The following DNAH11 variants were observed in gnomAD, a reference collection of about 807,000 sequenced individuals.
DNAH11 encodes axonemal beta dynein heavy chain 11.
In DNAH11, 442 loss-of-function variants were observed where a neutral mutation model predicts 526.0. The ratio of observed to expected loss-of-function variants is 0.84; its 90% CI spans 0.78 to 0.91. The LOEUF is 0.91. Ranked by LOEUF, DNAH11 falls within the 40% of genes least tolerant of loss-of-function variation. The pLI, the probability that DNAH11 is intolerant of heterozygous loss-of-function variation, is 0.00. For synonymous variants in DNAH11, 2,461 were observed against 1,935.9 expected, an observed-to-expected ratio of 1.27 and a Z score of -7.12; for missense variants, 6,989 against 5,448.7, an observed-to-expected ratio of 1.28 and a Z score of -8.90.
At chr7:21,827,931 T>C (rs1392714750) in intron 65 of DNAH11, among the ~76,000 whole-genome samples, 1 of 151,992 alleles carries the variant, frequency 6.6e-6, no homozygotes, top group Admixed American at 6.6e-5. Flanking sequence ...AGCTGGAAGC[T>C]TACGGATTTT....
chr7:21,763,664 A>G (rs945022562), intron 54 of DNAH11, among the ~76,000 whole-genome samples: 3 of 151,564 alleles, frequency 2.0e-5, no homozygotes, highest in South Asian at 2.1e-4. Flanking sequence ...TATATAGCCA[A>G]GGACATTGAA....
At chr7:21,616,484 T>A (rs1052469265) in intron 22 of DNAH11, among the ~76,000 whole-genome samples, 192 bp downstream of exon 22, 1 of 152,060 alleles carries the variant, frequency 6.6e-6, no homozygotes, top group African/African-American at 2.4e-5. Context: ...GTGAGTGAGT[T>A]GATAGAAGCA....
chr7:21,646,219 C>G (rs866166332), intron 28 of DNAH11, among the ~76,000 whole-genome samples: 8 of 152,258 alleles, frequency 5.3e-5, no homozygotes, highest in Middle Eastern at 3.4e-3. Context: ...ACCAAAACCA[C>G]AACAAGATGA....
chr7:21,828,004 C>T (rs10267329), intron 65 of DNAH11, among the ~76,000 whole-genome samples: 1 of 151,198 alleles, frequency 6.6e-6, no homozygotes, highest in Non-Finnish European at 1.5e-5. Context: ...GCTGGAGTGC[C>T]GTGGTGTAAT....
At chr7:21,556,975 C>T (rs1042439129) in intron 2 of DNAH11, among the ~76,000 whole-genome samples, 2 of 151,762 alleles carry the variant, frequency 1.3e-5, no homozygotes, top group Non-Finnish European at 2.9e-5. Flanking sequence ...GCAGGAGAAT[C>T]GCTTGAACCC....
chr7:21,732,266 T>C (rs1451348063), intron 45 of DNAH11, among the ~76,000 whole-genome samples: 3 of 152,176 alleles, frequency 2.0e-5, no homozygotes, highest in East Asian at 1.9e-4. Flanking sequence ...CATCCTCACA[T>C]GGCTTTTCTC....
At position 21,690,586 on chromosome 7, in the gene DNAH11, T is replaced by G. The variant is rs112189327; in HGVS notation, c.5925-179T>G. ...AATTCCTCCAGGAAAAGGGAGGGTA[T>G]TTTTAATAAATATGCTTCAAAACAT... is the stretch of plus-strand genomic sequence containing the variant. On this transcript the variant is annotated intron_variant, in intron 34 of 81. Transcript: ENST00000409508. 0.019 allele frequency among the ~76,000 whole-genome samples: 2,875 copies of G among 152,328 alleles called. 81 individuals are homozygous for G. Among genetic ancestry groups the G allele is most frequent in the African/African-American group, 0.065 (2,705 of 41,564 alleles).
chr7:21,709,255 A>G (rs955879068), intron 40 of DNAH11, among the ~76,000 whole-genome samples: 2 of 152,354 alleles, frequency 1.3e-5, no homozygotes, highest in African/African-American at 4.8e-5. Flanking sequence ...AAAAAGGACA[A>G]CATCATGTTT....
intron 30 of DNAH11, among the ~76,000 whole-genome samples, chr7:21,662,350 T>C (rs569753194): frequency 1.3e-5 from 2 of 152,304 alleles, no homozygotes; most frequent in South Asian, 2.1e-4. Context: ...TATCTTGTTT[T>C]ATTTTCTTTA....
chr7:21,889,570 A>AT (rs370713682), intron 76 of DNAH11, among the ~76,000 whole-genome samples: 1 of 152,184 alleles, frequency 6.6e-6, no homozygotes, highest in East Asian at 1.9e-4. Flanking sequence ...TACTGTCCAC[A>AT]TTTTTTTATT....
chr7:21,704,008 C>T (rs1336562706), intron 37 of DNAH11, among the ~76,000 whole-genome samples: 2 of 152,142 alleles, frequency 1.3e-5, no homozygotes, highest in Non-Finnish European at 1.5e-5. Context: ...CTTTAGCTTA[C>T]AGCCAAGATA....
At position 21,588,037 on chromosome 7, in the gene DNAH11, A is replaced by G. The variant is rs1398771416; in HGVS notation, c.1711-27A>G. 4.3e-6 allele frequency: 7 copies of G among 1,609,826 alleles called. No individual in the cohort carries two copies. In the East Asian group the frequency reaches 8.9e-5, roughly 21 times the overall value. On this transcript the variant is annotated intron_variant, in intron 9 of 81. Transcript: ENST00000409508. ...ATTTGTTAAAAACTCATAGTGCTTA[A>G]TGTTGCCTTCACTTTGATTTTTATA...
intron 42 of DNAH11, among the ~76,000 whole-genome samples, chr7:21,713,414 G>C (rs909872214): frequency 6.6e-6 from 1 of 152,146 alleles, no homozygotes; most frequent in Non-Finnish European, 1.5e-5. Flanking sequence ...CTTCCCAACA[G>C]GGTCATGTCA....
Position 21,852,519 on chromosome 7 carries a change from A to C in DNAH11, c.10949A>C (p.Glu3650Ala). Reference sequence around the variant, plus strand: ...TTTAAAATTGAGCTCAAGTATCTGGAAGACGATCTCCTTTTGCGCCTTTCT... The same window carrying C: ...TTTAAAATTGAGCTCAAGTATCTGGCAGACGATCTCCTTTTGCGCCTTTCT... ...NDFKIELKYL[E>A]DDLLLRLSAA... The change falls in exon 67 of 82, where the codon GAA becomes GCA. Residue 3650 changes from glutamate to alanine, a missense_variant. Transcript: ENST00000409508. The C allele has an allele frequency of 6.2e-7, 1 of 1,613,668 alleles. No individual in the cohort carries two copies. The highest frequency in any genetic ancestry group is 8.5e-7 in the Non-Finnish European group (1 of 1,179,748).
Position 21,588,163 on chromosome 7 carries a change from G to C in DNAH11, c.1810G>C (p.Asp604His). The change falls in exon 10 of 82, where the codon GAT becomes CAT. Residue 604 changes from aspartate to histidine, a missense_variant. Coordinates refer to ENST00000409508, the MANE Select transcript of DNAH11 (RefSeq NM_001277115.2). ...AGTGCATATGTTTAATACAGAGCTG[G>C]ATGTGTGTAAGCAACTGTATAATGA... ...TLVHMFNTELDVCKQLYNEHM... is the reference protein window; with the variant it reads ...TLVHMFNTELHVCKQLYNEHM... The C allele has an allele frequency of 6.2e-7, 1 of 1,613,330 alleles. No homozygotes were observed. Among genetic ancestry groups the C allele is most frequent in the Non-Finnish European group, 8.5e-7 (1 of 1,179,642 alleles).
chr7:21,598,426 G>T (rs75832165), intron 14 of DNAH11, among the ~76,000 whole-genome samples: 2 of 152,028 alleles, frequency 1.3e-5, no homozygotes, highest in Non-Finnish European at 2.9e-5. Flanking sequence ...GTCCTATTTT[G>T]CCCCAACTGG....
intron 30 of DNAH11, among the ~76,000 whole-genome samples, chr7:21,660,503 A>G (rs533645074): frequency 3.7e-4 from 35 of 95,504 alleles, no homozygotes; most frequent in African/African-American, 1.3e-3. Context: ...TATTATTTAT[A>G]TCAGCTTTTT....
chr7:21,782,632 C>G (rs191252332), intron 57 of DNAH11, among the ~76,000 whole-genome samples: 13 of 152,290 alleles, frequency 8.5e-5, no homozygotes, highest in South Asian at 2.1e-4. Flanking sequence ...GGCACTTTAG[C>G]AAGACGCAGT....
intron 30 of DNAH11, among the ~76,000 whole-genome samples, chr7:21,664,608 A>G (rs898020678): frequency 1.3e-5 from 2 of 151,978 alleles, no homozygotes; most frequent in African/African-American, 4.8e-5. Context: ...ACAGGTGCAT[A>G]CTACCACAGC....
Sources: gnomAD v4.1 joint callset for allele counts (sites outside exome capture counted in the v4.1 genomes callset) on GRCh38, gnomAD v4.1.1 for gene constraint, MANE v1.5 for transcripts, NCBI Gene and HGNC (gene_info 2026-07-23, HGNC 2026-07-21) for gene names.